GALNTL6: variants seen among roughly 807,000 people sequenced by gnomAD.
GALNTL6 encodes polypeptide N-acetylgalactosaminyltransferase-like 6.
Under a neutral mutation model 73.7 loss-of-function variants are expected in GALNTL6, and 46 were observed. That is an observed-to-expected ratio of 0.62 (90% CI 0.49 to 0.80). The LOEUF (loss-of-function observed/expected upper bound fraction) is 0.80, where lower values mean the gene tolerates loss of function less well. GALNTL6 is among the 30% of genes least tolerant of loss of function. GALNTL6 has a pLI of 0.00. For missense variants in GALNTL6, 604 were observed against 755.0 expected, an observed-to-expected ratio of 0.80 and a Z score of 2.34; for synonymous variants, 259 against 263.7, an observed-to-expected ratio of 0.98 and a Z score of 0.17.
chr4:171,984,904 G>A (rs1437859783), intron 2 of GALNTL6, among the ~76,000 whole-genome samples: 2 of 151,828 alleles, frequency 1.3e-5, no homozygotes, highest in African/African-American at 4.8e-5. Context: ...TGTAATCCCA[G>A]CACTTTGGGA....
In GALNTL6 at chr4:172,423,918, C is replaced by T. The variant is rs186376054; in HGVS notation, c.553+75229C>T. 1.3e-3 allele frequency among the ~76,000 whole-genome samples: 196 copies of T among 152,074 alleles called. 1 individual carries two copies. The highest frequency in any genetic ancestry group is 3.9e-3 in the African/African-American group (163 of 41,514). Reference sequence around the variant, plus strand: ...TATAGTAAGCAAGATACTCTATATCCGTATCTTGATATAGAGCATTGAAGC... The same window carrying T: ...TATAGTAAGCAAGATACTCTATATCTGTATCTTGATATAGAGCATTGAAGC... On this transcript the variant is annotated intron_variant, in intron 5 of 12. Transcript: ENST00000506823.
chr4:172,025,044 G>A (rs1741518582), intron 2 of GALNTL6, among the ~76,000 whole-genome samples: 1 of 151,878 alleles, frequency 6.6e-6, no homozygotes, highest in Admixed American at 6.6e-5. Context: ...TTAATAAGGT[G>A]ACCCTCAATG....
intron 5 of GALNTL6, among the ~76,000 whole-genome samples, chr4:172,353,302 T>C (rs1742002902): frequency 1.3e-5 from 2 of 152,168 alleles, no homozygotes; most frequent in African/African-American, 4.8e-5. Context: ...CAAAACTCTG[T>C]CCCAAAAGTT....
intron 5 of GALNTL6, among the ~76,000 whole-genome samples, chr4:172,483,781 A>T (rs912709282): frequency 3.9e-5 from 6 of 152,218 alleles, no homozygotes; most frequent in Non-Finnish European, 8.8e-5. Context: ...ACTGCAACCT[A>T]CAACATCCAG....
intron 8 of GALNTL6, among the ~76,000 whole-genome samples, chr4:172,912,443 G>C (rs1561029061): frequency 6.6e-6 from 1 of 152,222 alleles, no homozygotes; most frequent in Non-Finnish European, 1.5e-5. Flanking sequence ...AAGTGCAAGA[G>C]GTCAGGGAAT....
intron 3 of GALNTL6, among the ~76,000 whole-genome samples, chr4:172,278,907 C>T (rs1218251013): frequency 6.6e-6 from 1 of 152,002 alleles, no homozygotes; most frequent in Non-Finnish European, 1.5e-5. Context: ...TCCAGAAATA[C>T]ACTATCACAT....
At chr4:172,206,775 GTTTTTTGTTTTGTTTT>G (rs1736124082) in intron 2 of GALNTL6, among the ~76,000 whole-genome samples, 2 of 79,718 alleles carry the variant, frequency 2.5e-5, no homozygotes, top group Admixed American at 1.5e-4. Flanking sequence ...GATGAAACGT[GTTTTTTGTTTTGTTTT>G]GTTTTGTTTT....
rs562902288 is a variant in GALNTL6, at chr4:172,455,641, C to G, written c.553+106952C>G. Among the ~76,000 whole-genome samples, 3 of 152,252 alleles carry G rather than the reference C, an allele frequency of 2.0e-5. No individual in the cohort carries two copies. The South Asian group carries it at 6.2e-4, about 32-fold the overall frequency. Reference sequence around the variant, plus strand: ...CCGCGTCTCGGCAAAACCACTGTAGCCAGACCTCATCTCTAGATTCCTCCT... The same window carrying G: ...CCGCGTCTCGGCAAAACCACTGTAGGCAGACCTCATCTCTAGATTCCTCCT... On this transcript the variant is annotated intron_variant, in intron 5 of 12. Coordinates refer to ENST00000506823, the MANE Select transcript of GALNTL6 (RefSeq NM_001034845.3).
intron 7 of GALNTL6, among the ~76,000 whole-genome samples, chr4:172,875,646 G>A (rs1447852349): frequency 2.0e-5 from 3 of 151,662 alleles, no homozygotes; most frequent in Non-Finnish European, 2.9e-5. Context: ...TTCACCAGGC[G>A]AAGCTATCTA....
intron 2 of GALNTL6, among the ~76,000 whole-genome samples, chr4:172,084,654 G>A (rs576438634): frequency 1.3e-5 from 2 of 152,066 alleles, no homozygotes; most frequent in South Asian, 4.2e-4. Flanking sequence ...TTTAGCCCAA[G>A]ATGTGTCTAG....
At chr4:172,499,966 C>T (rs1734202836) in intron 5 of GALNTL6, among the ~76,000 whole-genome samples, 1 of 151,862 alleles carries the variant, frequency 6.6e-6, no homozygotes, top group Admixed American at 6.6e-5. Context: ...ACCTCTCTTA[C>T]AGAAAGAGAG....
intron 2 of GALNTL6, among the ~76,000 whole-genome samples, chr4:172,010,179 A>T (rs1740961637): frequency 6.6e-6 from 1 of 152,074 alleles, no homozygotes; most frequent in East Asian, 1.9e-4. Flanking sequence ...CTTCTTTATT[A>T]CAAAAGCAGT....
At chr4:172,354,777 T>C (rs1237702633) in intron 5 of GALNTL6, among the ~76,000 whole-genome samples, 1 of 152,136 alleles carries the variant, frequency 6.6e-6, no homozygotes, top group Non-Finnish European at 1.5e-5. Context: ...TACTTGTAAA[T>C]TAAAAATTCA....
At chr4:171,890,958 C>T (rs774760256) in intron 2 of GALNTL6, among the ~76,000 whole-genome samples, 2 of 152,150 alleles carry the variant, frequency 1.3e-5, no homozygotes, top group African/African-American at 2.4e-5. Flanking sequence ...ATGTTGTCGT[C>T]ATTACAATAA....
chr4:172,005,481 A>C (rs181176486), intron 2 of GALNTL6, among the ~76,000 whole-genome samples: 1 of 152,244 alleles, frequency 6.6e-6, no homozygotes, highest in Non-Finnish European at 1.5e-5. Flanking sequence ...GGAAAAGAGT[A>C]AGAGAATAAA....
In GALNTL6 at chr4:172,376,926, G is replaced by A. The variant is rs551583101; in HGVS notation, c.553+28237G>A. ...TTCCTTCTGTTGGGTTCATGGTCTC[G>A]CTGGCTTCAGGAGTGAAGCTGGAGA... On this transcript the variant is annotated intron_variant, in intron 5 of 12. Coordinates refer to ENST00000506823, the MANE Select transcript of GALNTL6 (RefSeq NM_001034845.3). 2.6e-4 allele frequency among the ~76,000 whole-genome samples: 39 copies of A among 152,174 alleles called. 1 individual carries two copies. In the South Asian group the frequency reaches 6.6e-3, roughly 26 times the overall value.
chr4:171,858,036 T>C (rs1383187899), intron 2 of GALNTL6, among the ~76,000 whole-genome samples: 1 of 152,210 alleles, frequency 6.6e-6, no homozygotes, highest in Non-Finnish European at 1.5e-5. Flanking sequence ...ATTTATGGCA[T>C]TTCCATTTCC....
chr4:172,248,747 C>T (rs778364683), intron 3 of GALNTL6, among the ~76,000 whole-genome samples: 2 of 152,142 alleles, frequency 1.3e-5, no homozygotes, highest in South Asian at 2.1e-4. Context: ...TAAGTTTTCA[C>T]GAGATCTGAT....
intron 2 of GALNTL6, among the ~76,000 whole-genome samples, chr4:171,871,066 A>G (rs1736121197): frequency 1.3e-5 from 2 of 152,194 alleles, no homozygotes; most frequent in Admixed American, 6.5e-5. Context: ...TTACTTTAGC[A>G]TTATTATATT....
Sources: gnomAD v4.1 joint callset for allele counts (sites outside exome capture counted in the v4.1 genomes callset) on GRCh38, gnomAD v4.1.1 for gene constraint, MANE v1.5 for transcripts, NCBI Gene and HGNC (gene_info 2026-07-23, HGNC 2026-07-21) for gene names.